The following SYN3 variants were observed in gnomAD, a reference collection of about 807,000 sequenced individuals.
SYN3 encodes the protein synapsin III.
In SYN3, 35 loss-of-function variants were observed where a neutral mutation model predicts 65.8. That is an observed-to-expected ratio of 0.53 (90% CI 0.41 to 0.70). SYN3 has a LOEUF of 0.70. Ranked by LOEUF, SYN3 falls within the 30% of genes least tolerant of loss-of-function variation. The pLI, the probability that SYN3 is intolerant of heterozygous loss-of-function variation, is 0.00. For missense variants in SYN3, 680 were observed against 749.0 expected, an observed-to-expected ratio of 0.91 and a Z score of 1.08; for synonymous variants, 270 against 292.9, an observed-to-expected ratio of 0.92 and a Z score of 0.80.
At chr22:32,592,515 A>G (rs985470559) in intron 7 of SYN3, among the ~76,000 whole-genome samples, 6 of 152,104 alleles carry the variant, frequency 3.9e-5, no homozygotes, top group Admixed American at 3.9e-4. Flanking sequence ...TAATTGTTCC[A>G]TCTCTTGTCT....
chr22:32,529,729 G>A (rs763018742), intron 10 of SYN3, among the ~76,000 whole-genome samples: 1 of 152,198 alleles, frequency 6.6e-6, no homozygotes, highest in South Asian at 2.1e-4. Context: ...AGATCTGGAA[G>A]GGGTGTCTGT....
At chr22:32,890,810 G>C (rs137514) in intron 4 of SYN3, among the ~76,000 whole-genome samples, 1 of 151,770 alleles carries the variant, frequency 6.6e-6, no homozygotes. Flanking sequence ...TATATATATA[G>C]AGAGAGAGAG....
intron 1 of SYN3, among the ~76,000 whole-genome samples, chr22:33,030,254 A>G (rs1425455119): frequency 6.6e-6 from 1 of 152,238 alleles, no homozygotes; most frequent in Non-Finnish European, 1.5e-5. Flanking sequence ...GCTGGAGAAG[A>G]AAACACACGG....
intron 5 of SYN3, among the ~76,000 whole-genome samples, chr22:32,868,458 G>A (rs1399645382): frequency 2.0e-5 from 3 of 150,356 alleles, no homozygotes; most frequent in East Asian, 2.0e-4. Flanking sequence ...ACTTTTTTTC[G>A]AGACAGAGTT....
intron 6 of SYN3, among the ~76,000 whole-genome samples, chr22:32,737,126 A>T (rs1569183775): frequency 6.6e-6 from 1 of 152,242 alleles, no homozygotes. Flanking sequence ...CTGAGCTCCC[A>T]ATCCAACTAA....
chr22:32,772,849 A>G (rs1445694354), intron 6 of SYN3, among the ~76,000 whole-genome samples: 1 of 152,224 alleles, frequency 6.6e-6, no homozygotes, highest in African/African-American at 2.4e-5. Flanking sequence ...TCTTGATGTC[A>G]GCCCAGTAGA....
intron 3 of SYN3, among the ~76,000 whole-genome samples, chr22:32,973,790 C>T (rs1264399642): frequency 1.3e-5 from 2 of 152,058 alleles, no homozygotes; most frequent in East Asian, 3.9e-4. Context: ...GACAAAGTAC[C>T]CATCTTTTGT....
chr22:32,772,699 G>T (rs2045805996), intron 6 of SYN3, among the ~76,000 whole-genome samples: 1 of 152,170 alleles, frequency 6.6e-6, no homozygotes, highest in African/African-American at 2.4e-5. Context: ...GACAAAAAAT[G>T]ATTAGTGTAG....
At chr22:32,765,923 G>A (rs149443013) in intron 6 of SYN3, among the ~76,000 whole-genome samples, 1 of 152,284 alleles carries the variant, frequency 6.6e-6, no homozygotes, top group Non-Finnish European at 1.5e-5. Flanking sequence ...TTATAAGCTG[G>A]GTCTGAGATT....
chr22:32,560,313 C>G (rs1293032855), intron 7 of SYN3, among the ~76,000 whole-genome samples: 1 of 152,176 alleles, frequency 6.6e-6, no homozygotes, highest in African/African-American at 2.4e-5. Flanking sequence ...CCTTAGGCCT[C>G]TTGGTCGAAT....
chr22:32,728,401 C>T lies in SYN3; in HGVS notation c.712-131665G>A, dbSNP rs1343113213. ...TGCCTCTGGGCCCAGCCCACATCAG[C>T]TCCTTCCTGTCTTAGGGCTTGAGCT... On this transcript the variant is annotated intron_variant, in intron 6 of 13. Transcript: ENST00000358763. 2.6e-5 allele frequency among the ~76,000 whole-genome samples: 4 copies of T among 152,250 alleles called. No homozygotes were observed. In the South Asian group the frequency reaches 8.3e-4, roughly 31 times the overall value.
At chr22:33,044,345 AT>A (rs2054020440) in intron 1 of SYN3, among the ~76,000 whole-genome samples, 1 of 152,190 alleles carries the variant, frequency 6.6e-6, no homozygotes, top group African/African-American at 2.4e-5. Context: ...CACAACAGAC[AT>A]TCTGTCCACG....
intron 7 of SYN3, among the ~76,000 whole-genome samples, chr22:32,556,818 T>C (rs866767764): frequency 0.057 from 7,371 of 129,608 alleles, 1,144 homozygotes; most frequent in South Asian, 0.11. Flanking sequence ...TTTTTTTTTT[T>C]TTTTTTTTTT....
chr22:33,022,301 G>A (rs2053573964), intron 1 of SYN3, among the ~76,000 whole-genome samples: 1 of 152,218 alleles, frequency 6.6e-6, no homozygotes, highest in Admixed American at 6.5e-5. Flanking sequence ...GTATTAATGA[G>A]CATAGGCAGT....
At chr22:32,565,579 C>T (rs5754148) in intron 7 of SYN3, among the ~76,000 whole-genome samples, 7,097 of 150,364 alleles carry the variant, frequency 0.047, 340 homozygotes, top group East Asian at 0.23. Context: ...TTCAGTGGTG[C>T]GATCCTAGCT....
At chr22:32,628,168 C>T (rs1363949856) in intron 6 of SYN3, among the ~76,000 whole-genome samples, 2 of 152,164 alleles carry the variant, frequency 1.3e-5, no homozygotes, top group Non-Finnish European at 2.9e-5. Flanking sequence ...TGCACACCCT[C>T]AGCCCTGCTC....
intron 1 of SYN3, among the ~76,000 whole-genome samples, chr22:33,030,811 A>G (rs1360601735): frequency 6.6e-6 from 1 of 152,080 alleles, no homozygotes; most frequent in Non-Finnish European, 1.5e-5. Flanking sequence ...CCAGAGAGAG[A>G]GAAACAGATA....
chr22:32,716,283 A>G (rs1246992382), intron 6 of SYN3, among the ~76,000 whole-genome samples: 1 of 152,004 alleles, frequency 6.6e-6, no homozygotes, highest in Non-Finnish European at 1.5e-5. Flanking sequence ...AACTGGGCAC[A>G]TATCTCTGTG....
At chr22:32,663,420 G>A (rs766599203) in intron 6 of SYN3, among the ~76,000 whole-genome samples, 13 of 151,042 alleles carry the variant, frequency 8.6e-5, no homozygotes, top group Non-Finnish European at 1.8e-4. Context: ...TGCCTCAGCC[G>A]CCCGAATAGC....
Sources: gnomAD v4.1 joint callset for allele counts (sites outside exome capture counted in the v4.1 genomes callset) on GRCh38, gnomAD v4.1.1 for gene constraint, MANE v1.5 for transcripts, NCBI Gene and HGNC (gene_info 2026-07-23, HGNC 2026-07-21) for gene names.